Variants in CDCA7L observed in about 807,000 individuals in gnomAD.
CDCA7L encodes cell division cycle-associated 7-like protein.
A neutral mutation model predicts 57.4 loss-of-function variants in CDCA7L; 44 were observed. The ratio of observed to expected loss-of-function variants is 0.77; its 90% confidence interval spans 0.60 to 0.98. The LOEUF (loss-of-function observed/expected upper bound fraction) is 0.98, where lower values mean the gene tolerates loss of function less well. Among genes scored for constraint, CDCA7L ranks in the 50% least tolerant of loss-of-function variants. The pLI is 0.00. For missense variants in CDCA7L, 644 were observed against 580.6 expected (o/e 1.11, Z -1.12); for synonymous variants, 236 against 202.8 (o/e 1.16, Z -1.39).
chr7:21,918,560 C>A (rs1020900816), intron 1 of CDCA7L, among the ~76,000 whole-genome samples: 2 of 152,194 alleles, frequency 1.3e-5, no homozygotes, highest in Non-Finnish European at 2.9e-5. Flanking sequence ...AGCTGGGTCA[C>A]TTGACTGTGG....
chr7:21,940,169 G>A (rs1786295538), intron 1 of CDCA7L: 1 of 173,278 alleles, frequency 5.8e-6, no homozygotes. Flanking sequence ...ACTTAGAAGT[G>A]ACATATAGTA....
chr7:21,932,007 A>AT (rs1216338987), intron 1 of CDCA7L, among the ~76,000 whole-genome samples: 1 of 152,186 alleles, frequency 6.6e-6, no homozygotes, highest in Non-Finnish European at 1.5e-5. Context: ...GCATTCCTAT[A>AT]TACCAATAAT....
chr7:21,907,979 A>C, intron 4 of CDCA7L, 151 bp downstream of exon 4: 1 of 783,956 alleles, frequency 1.3e-6, no homozygotes, highest in South Asian at 2.5e-5. Flanking sequence ...GGGTTCTGGA[A>C]AAGTAAAAGG....
chr7:21,942,254 G>A (rs934667492), intron 1 of CDCA7L, among the ~76,000 whole-genome samples: 1 of 152,160 alleles, frequency 6.6e-6, no homozygotes, highest in Non-Finnish European at 1.5e-5. Context: ...TTATTTCTGT[G>A]CTGCATGCAG....
intron 8 of CDCA7L, 100 bp downstream of exon 8, chr7:21,904,010 C>A: frequency 1.7e-6 from 2 of 1,152,820 alleles, no homozygotes; most frequent in South Asian, 2.5e-5. Context: ...AACCAGAGTT[C>A]TGGAGCTCCC....
intron 3 of CDCA7L, among the ~76,000 whole-genome samples, chr7:21,909,473 G>A (rs1045182414): frequency 3.3e-5 from 5 of 151,992 alleles, no homozygotes; most frequent in Non-Finnish European, 7.4e-5. Context: ...CCCCGGTGAC[G>A]ACCATCAACC....
rs180745625 is a variant in CDCA7L, at chr7:21,922,616, A to C, written c.25-5722T>G. ...GGAAACTGCAAATGCCAGAATTCCAAATATTACCAACAGTATTAATATATC... is the reference window on the plus strand; with the variant it reads ...GGAAACTGCAAATGCCAGAATTCCACATATTACCAACAGTATTAATATATC... On this transcript the variant is annotated intron_variant, in intron 1 of 9. Coordinates refer to ENST00000406877, the MANE Select transcript of CDCA7L (RefSeq NM_018719.5). Among the ~76,000 whole-genome samples the C allele has an allele frequency of 9.7e-4, 148 of 152,340 alleles. 1 individual carries two copies. The highest frequency in any genetic ancestry group is 3.4e-3 in the African/African-American group (143 of 41,574).
Position 21,904,242 on chromosome 7 carries a change from C to A in CDCA7L, c.1065G>T (p.Gln355His). The A allele has an allele frequency of 6.2e-7, 1 of 1,608,834 alleles. No individual in the cohort carries two copies. The highest frequency in any genetic ancestry group is 8.5e-7 in the Non-Finnish European group (1 of 1,177,430). Reference sequence around the variant, plus strand: ...TGGTGTCGATGGTCTTTTGTCGACACTGATGGCACGTGTTACCCTACAGGG... The same window carrying A: ...TGGTGTCGATGGTCTTTTGTCGACAATGATGGCACGTGTTACCCTACAGGG... Reference protein sequence around the residue: ...YDKVLGNTCHQCRQKTIDTKT... With the variant: ...YDKVLGNTCHHCRQKTIDTKT... Residue 355 changes from glutamine (Q) to histidine (H), a missense_variant, in exon 8 of 10, where the codon CAG becomes CAT. Coordinates refer to ENST00000406877, the MANE Select transcript of CDCA7L (RefSeq NM_018719.5).
chr7:21,904,454 G>A (rs1368991703), intron 7 of CDCA7L, among the ~76,000 whole-genome samples, 195 bp from the exon 8 acceptor site: 1 of 152,166 alleles, frequency 6.6e-6, no homozygotes, highest in Non-Finnish European at 1.5e-5. Flanking sequence ...ACCAGTCTGT[G>A]GCCTGTTTGG....
At position 21,904,100 on chromosome 7, in the gene CDCA7L, C is replaced by T. The variant is rs750961245; in HGVS notation, c.1197+10G>A. 1 of 1,580,284 alleles carries T rather than the reference C, an allele frequency of 6.3e-7. No individual in the cohort carries two copies. Among genetic ancestry groups the T allele is most frequent in the East Asian group, 2.3e-5 (1 of 44,020 alleles). ...ATACAATTTACAACAAATGCAAACA[C>T]TGTTCCTACCGGGTCCAGCAATGCC... is the stretch of plus-strand genomic sequence containing the variant. On this transcript the variant is annotated intron_variant, in intron 8 of 9. Coordinates refer to ENST00000406877, the MANE Select transcript of CDCA7L (RefSeq NM_018719.5).
chr7:21,917,160 T>C (rs372734778), intron 1 of CDCA7L, among the ~76,000 whole-genome samples: 1 of 152,128 alleles, frequency 6.6e-6, no homozygotes, highest in East Asian at 1.9e-4. Context: ...AGAGAAGACA[T>C]GTTTGATCTC....
chr7:21,915,874 G>A (rs1785468469), intron 2 of CDCA7L, among the ~76,000 whole-genome samples: 1 of 151,996 alleles, frequency 6.6e-6, no homozygotes, highest in African/African-American at 2.4e-5. Context: ...GTGTAACAGA[G>A]AGGAAGAAAC....
intron 1 of CDCA7L, among the ~76,000 whole-genome samples, chr7:21,930,107 TAACA>T (rs1785959008): frequency 7.6e-6 from 1 of 131,300 alleles, no homozygotes; most frequent in Non-Finnish European, 1.6e-5. Context: ...ACGGAAATCA[TAACA>T]AACAGTCTCT....
intron 9 of CDCA7L, chr7:21,902,723 T>TCAC: frequency 2.0e-6 from 1 of 501,332 alleles, no homozygotes; most frequent in South Asian, 2.8e-5. Flanking sequence ...ATTTCTGTCA[T>TCAC]ACACCTCAAG....
At chr7:21,945,741 G>A in intron 1 of CDCA7L, 40 bp downstream of exon 1, 1 of 1,601,030 alleles carries the variant, frequency 6.2e-7, no homozygotes, top group South Asian at 1.1e-5. Context: ...AAGTCAAACT[G>A]TGGGTGCGTC....
chr7:21,943,558 T>C (rs975740591), intron 1 of CDCA7L, among the ~76,000 whole-genome samples: 1 of 152,234 alleles, frequency 6.6e-6, no homozygotes, highest in Non-Finnish European at 1.5e-5. Flanking sequence ...GTGCCTGAAA[T>C]GTTCATTAAG....
At chr7:21,922,423 G>A (rs967335113) in intron 1 of CDCA7L, among the ~76,000 whole-genome samples, 1 of 152,168 alleles carries the variant, frequency 6.6e-6, no homozygotes. Context: ...CTCCACTCCA[G>A]CTGATCACTG....
At chr7:21,907,553 A>G (rs1216684731) in intron 4 of CDCA7L, among the ~76,000 whole-genome samples, 1 of 152,254 alleles carries the variant, frequency 6.6e-6, no homozygotes, top group Non-Finnish European at 1.5e-5. Context: ...TATATACAGA[A>G]AAACCAAATA....
chr7:21,901,205 AGACTGCAAAATGGGTTCT>A lies in CDCA7L; in HGVS notation c.*1099_*1116del, dbSNP rs1354417178. 6.2e-7 allele frequency: 1 copy of A among 1,612,964 alleles called. No individual in the cohort carries two copies. The highest frequency in any genetic ancestry group is 8.5e-7 in the Non-Finnish European group (1 of 1,179,224). The stretch of plus-strand genomic sequence containing the variant: ...ACCTTCAGGCTGAAGAGCGAAGAGA[AGACTGCAAAATGGGTTCT>A]GGCTGGAGTGGCTCTGCTTCTAGAA... On this transcript the variant is annotated 3_prime_UTR_variant, in exon 10 of 10. Coordinates refer to ENST00000406877, the MANE Select transcript of CDCA7L (RefSeq NM_018719.5).
Sources: allele counts gnomAD v4.1 joint callset (sites outside exome capture counted in the v4.1 genomes callset), GRCh38; gene constraint gnomAD v4.1.1; transcripts MANE v1.5; gene names NCBI Gene and HGNC (gene_info 2026-07-23, HGNC 2026-07-21).